The following RAI14 variants were observed in gnomAD, a reference collection of about 807,000 sequenced individuals.
RAI14 encodes the protein ankycorbin.
RAI14 carries 45 observed loss-of-function variants against 115.4 expected under a neutral mutation model. The ratio of observed to expected loss-of-function variants is 0.39; its 90% CI spans 0.31 to 0.50. The LOEUF (loss-of-function observed/expected upper bound fraction) is 0.50. Among genes scored for constraint, RAI14 ranks in the 20% least tolerant of loss-of-function variants. RAI14 has a pLI of 0.85. For synonymous variants in RAI14, 371 were observed against 415.4 expected, an observed-to-expected ratio of 0.89 and a Z score of 1.30; for missense variants, 939 against 1,131.2, an observed-to-expected ratio of 0.83 and a Z score of 2.44.
intron 3 of RAI14, among the ~76,000 whole-genome samples, chr5:34,792,257 G>C (rs112388878): frequency 8.2e-6 from 1 of 122,180 alleles, no homozygotes; most frequent in African/African-American, 3.1e-5. Flanking sequence ...TTTTTGAGAC[G>C]GAGTCTCTCT....
rs114851220 is a variant in RAI14 at position 34,729,775 on chromosome 5, A to G, written c.37-27693A>G. Reference sequence around the variant, plus strand: ...GCAGGAAGAAGAAACTCATAAATTAAGAGACTCATGAGACAGAGCCACCAT... The same window carrying G: ...GCAGGAAGAAGAAACTCATAAATTAGGAGACTCATGAGACAGAGCCACCAT... On this transcript the variant is annotated intron_variant, in intron 2 of 17. Coordinates refer to ENST00000265109, the MANE Select transcript of RAI14 (RefSeq NM_015577.3). Among the ~76,000 whole-genome samples the G allele has an allele frequency of 3.2e-3, 494 of 152,326 alleles. 1 individual carries two copies. Among genetic ancestry groups the G allele is most frequent in the African/African-American group, 0.012 (479 of 41,560 alleles).
At position 34,791,869 on chromosome 5, in the gene RAI14, G is replaced by A. The variant is rs960039549; in HGVS notation, c.168-4070G>A. ...CACAGAGGAAGACAGCCACTGCCGA[G>A]GTATGGCTAGGGAAGGAGGGGAGGA... On this transcript the variant is annotated intron_variant, in intron 3 of 17. Coordinates refer to ENST00000265109, the MANE Select transcript of RAI14 (RefSeq NM_015577.3). This position sits in a 1 kb window ranked among gnomAD's most constrained non-coding sequence, Gnocchi z 5.4. 1.5e-4 allele frequency among the ~76,000 whole-genome samples: 23 copies of A among 152,200 alleles called. No homozygotes were observed. Among genetic ancestry groups the A allele is most frequent in the Non-Finnish European group, 2.8e-4 (19 of 68,028 alleles).
chr5:34,788,224 C>T (rs1752546698), intron 3 of RAI14, among the ~76,000 whole-genome samples: 1 of 151,986 alleles, frequency 6.6e-6, no homozygotes. Flanking sequence ...TAGCCCACTA[C>T]TGATATTTTG....
intron 1 of RAI14, among the ~76,000 whole-genome samples, chr5:34,675,421 T>C (rs1165490623): frequency 6.6e-6 from 1 of 152,218 alleles, no homozygotes; most frequent in East Asian, 1.9e-4. Context: ...AATCTACTTT[T>C]TGTCTTTATA....
intron 8 of RAI14, 147 bp from the exon 9 acceptor site, chr5:34,811,620 A>G: frequency 7.6e-6 from 5 of 655,898 alleles, no homozygotes; most frequent in Non-Finnish European, 1.2e-5. Flanking sequence ...TCTTGATTGC[A>G]TTCCACTTCG....
chr5:34,726,751 A>G (rs1249650469), intron 2 of RAI14, among the ~76,000 whole-genome samples: 2 of 152,130 alleles, frequency 1.3e-5, no homozygotes, highest in Non-Finnish European at 2.9e-5. Flanking sequence ...TCTTCTGCAC[A>G]TGCTTTCTTT....
intron 3 of RAI14, among the ~76,000 whole-genome samples, chr5:34,767,747 A>C (rs2150122838): frequency 6.6e-6 from 1 of 151,698 alleles, no homozygotes; most frequent in East Asian, 1.9e-4. Context: ...ATCACCTAGG[A>C]TTTGGTGGGT....
chr5:34,661,332 G>C (rs1561217819), intron 1 of RAI14, among the ~76,000 whole-genome samples: 1 of 152,030 alleles, frequency 6.6e-6, no homozygotes, highest in Non-Finnish European at 1.5e-5. Flanking sequence ...AAAGGCATGG[G>C]GTTTGCCACT....
intron 2 of RAI14, among the ~76,000 whole-genome samples, chr5:34,697,427 ACT>A (rs374179857): frequency 0.011 from 1,673 of 150,882 alleles, 44 homozygotes; most frequent in East Asian, 0.068. Context: ...CAAGAGTAAA[ACT>A]CTGTCTCAAA....
chr5:34,818,388 T>C (rs538755162), intron 12 of RAI14, among the ~76,000 whole-genome samples: 1 of 152,324 alleles, frequency 6.6e-6, no homozygotes, highest in East Asian at 1.9e-4. Flanking sequence ...TTAAAATATT[T>C]CAATCAATGT....
At chr5:34,810,413 C>T (rs1755442498) in intron 7 of RAI14, among the ~76,000 whole-genome samples, 1 of 152,142 alleles carries the variant, frequency 6.6e-6, no homozygotes, top group Non-Finnish European at 1.5e-5. Flanking sequence ...CCTAGATTTC[C>T]TTTTTCCCAA....
At chr5:34,735,337 C>A (rs1418158257) in intron 2 of RAI14, among the ~76,000 whole-genome samples, 1 of 152,152 alleles carries the variant, frequency 6.6e-6, no homozygotes, top group Admixed American at 6.5e-5. Flanking sequence ...AGAAATTATA[C>A]TATCAAACTT....
intron 1 of RAI14, among the ~76,000 whole-genome samples, chr5:34,657,623 G>T (rs1378621790): frequency 6.6e-6 from 1 of 152,210 alleles, no homozygotes; most frequent in Non-Finnish European, 1.5e-5. Flanking sequence ...GATCGGGGTG[G>T]GATTCCGTCT....
intron 2 of RAI14, among the ~76,000 whole-genome samples, chr5:34,703,430 A>G (rs1304209755): frequency 6.6e-6 from 1 of 152,226 alleles, no homozygotes; most frequent in African/African-American, 2.4e-5. Context: ...GCAGAAATTC[A>G]TTAAAGAAAG....
At chr5:34,747,853 T>G (rs1324212488) in intron 2 of RAI14, among the ~76,000 whole-genome samples, 1 of 152,180 alleles carries the variant, frequency 6.6e-6, no homozygotes, top group Non-Finnish European at 1.5e-5. Flanking sequence ...GGCTTAGTGG[T>G]GAACGAGACA....
At chr5:34,688,400 A>G (rs1738136187) in intron 2 of RAI14, 1 of 702,620 alleles carries the variant, frequency 1.4e-6, no homozygotes, top group African/African-American at 1.8e-5. Context: ...TCATCAGTCT[A>G]GACTTCCATA....
At chr5:34,800,595 C>T (rs373485976) in intron 4 of RAI14, among the ~76,000 whole-genome samples, 3 of 152,146 alleles carry the variant, frequency 2.0e-5, no homozygotes, top group African/African-American at 7.2e-5. Context: ...GGGAATGATG[C>T]GTCATTCGGA....
intron 13 of RAI14, among the ~76,000 whole-genome samples, chr5:34,819,941 A>G (rs938238262): frequency 6.6e-6 from 1 of 152,162 alleles, no homozygotes; most frequent in Non-Finnish European, 1.5e-5. Context: ...GCAGAGATCA[A>G]TGTTAATATA....
chr5:34,692,998 C>T (rs1738818625), intron 2 of RAI14, among the ~76,000 whole-genome samples: 1 of 152,138 alleles, frequency 6.6e-6, no homozygotes, highest in Admixed American at 6.6e-5. Flanking sequence ...TTTTGGCTTG[C>T]AGAAGCCTTG....
Sources: gnomAD v4.1 joint callset for allele counts (sites outside exome capture counted in the v4.1 genomes callset) on GRCh38, gnomAD v4.1.1 for gene constraint, Gnocchi (gnomAD v3.1) non-coding constraint, MANE v1.5 for transcripts, NCBI Gene and HGNC (gene_info 2026-07-23, HGNC 2026-07-21) for gene names.